Variants in KHDRBS2 observed in about 807,000 individuals in gnomAD.
KHDRBS2 encodes KH domain-containing, RNA-binding, signal transduction-associated protein 2.
In KHDRBS2, 26 loss-of-function variants were observed where a neutral mutation model predicts 44.3. That is an observed-to-expected ratio of 0.59 (90% confidence interval 0.43 to 0.81). The LOEUF (loss-of-function observed/expected upper bound fraction) is 0.81, where lower values mean the gene tolerates loss of function less well. KHDRBS2 is among the 40% of genes least tolerant of loss of function. The pLI is 0.00. For synonymous variants in KHDRBS2, 194 were observed against 151.1 expected (o/e 1.28, Z -2.08); for missense variants, 476 against 433.1 (o/e 1.10, Z -0.88).
At chr6:62,023,371 A>C (rs1456404563) in intron 3 of KHDRBS2, among the ~76,000 whole-genome samples, 3 of 151,620 alleles carry the variant, frequency 2.0e-5, no homozygotes, top group African/African-American at 7.2e-5. Context: ...GGACTTCATT[A>C]ATGTTGGTTT....
intron 2 of KHDRBS2, among the ~76,000 whole-genome samples, chr6:62,170,352 C>G (rs1819738988): frequency 6.6e-6 from 1 of 151,996 alleles, no homozygotes; most frequent in South Asian, 2.1e-4. Context: ...CCCCATGGAC[C>G]AAAACATCCA....
At chr6:62,107,795 C>A (rs1039554792) in intron 2 of KHDRBS2, among the ~76,000 whole-genome samples, 1 of 152,114 alleles carries the variant, frequency 6.6e-6, no homozygotes, top group African/African-American at 2.4e-5. Flanking sequence ...TGCCGCATAT[C>A]TACAACTATC....
chr6:62,063,077 A>G lies in KHDRBS2; in HGVS notation c.220-15083T>C, dbSNP rs904669330. Among the ~76,000 whole-genome samples the G allele has an allele frequency of 1.7e-3, 239 of 141,334 alleles. 9 individuals carry two copies. In the South Asian group the frequency reaches 0.051, roughly 30 times the overall value. 92.7% of individuals were successfully genotyped at this position (141,334 alleles called of 152,430 possible). On this transcript the variant is annotated intron_variant, in intron 2 of 8. Coordinates refer to ENST00000281156, the MANE Select transcript of KHDRBS2 (RefSeq NM_152688.4). ...ACATACACTCTCCCAAGACTAAACC[A>G]GGAAGAAGTTGAATCTCTGAATAGA...
At chr6:61,931,078 A>C (rs1809952830) in intron 4 of KHDRBS2, among the ~76,000 whole-genome samples, 1 of 152,042 alleles carries the variant, frequency 6.6e-6, no homozygotes, top group Non-Finnish European at 1.5e-5. Flanking sequence ...TATTACACAT[A>C]TACAATAAAA....
At chr6:62,037,692 T>C (rs1461216235) in intron 3 of KHDRBS2, among the ~76,000 whole-genome samples, 1 of 151,980 alleles carries the variant, frequency 6.6e-6, no homozygotes, top group East Asian at 1.9e-4. Flanking sequence ...TTTGCCTTTT[T>C]TTAAAACCCT....
At chr6:62,178,586 C>T (rs1330529771) in intron 1 of KHDRBS2, among the ~76,000 whole-genome samples, 3 of 151,362 alleles carry the variant, frequency 2.0e-5, no homozygotes, top group East Asian at 1.9e-4. Flanking sequence ...AGTTGAGAAA[C>T]GAGGCTGACA....
At chr6:62,107,990 C>T (rs1803905327) in intron 2 of KHDRBS2, among the ~76,000 whole-genome samples, 2 of 151,984 alleles carry the variant, frequency 1.3e-5, no homozygotes, top group African/African-American at 4.8e-5. Flanking sequence ...CCATAAAAAC[C>T]CTAGAAGAAA....
chr6:62,039,275 C>CACACACACAA, intron 3 of KHDRBS2, among the ~76,000 whole-genome samples: 1 of 151,312 alleles, frequency 6.6e-6, no homozygotes, highest in Middle Eastern at 3.4e-3. Flanking sequence ...CACACACACA[C>CACACACACAA]ACACACACAA....
At chr6:61,643,198 A>C in the KHDRBS2 span, among the ~76,000 whole-genome samples, 7 of 152,216 alleles carry the variant, frequency 4.6e-5, no homozygotes, top group Non-Finnish European at 7.3e-5. Flanking sequence ...AGTTTCAAAA[A>C]GATTTGATAT....
At chr6:62,183,249 A>G (rs1822724024) in intron 1 of KHDRBS2, among the ~76,000 whole-genome samples, 1 of 151,774 alleles carries the variant, frequency 6.6e-6, no homozygotes, top group Admixed American at 6.6e-5. Flanking sequence ...CACATGCACA[A>G]ACGCAGAAAT....
intron 6 of KHDRBS2, among the ~76,000 whole-genome samples, chr6:61,754,156 T>C (rs950688294): frequency 1.3e-5 from 2 of 152,150 alleles, no homozygotes; most frequent in Non-Finnish European, 2.9e-5. Flanking sequence ...ACAGCAGCAT[T>C]AGGTAACTAA....
At chr6:61,817,905 T>C (rs1445612843) in intron 6 of KHDRBS2, among the ~76,000 whole-genome samples, 1 of 152,052 alleles carries the variant, frequency 6.6e-6, no homozygotes, top group Admixed American at 6.6e-5. Flanking sequence ...GGCCAGACTT[T>C]CTGTAATTAG....
the KHDRBS2 span, among the ~76,000 whole-genome samples, chr6:61,669,206 A>G: frequency 6.6e-6 from 1 of 151,068 alleles, no homozygotes; most frequent in Non-Finnish European, 1.5e-5. Context: ...AAAATAAATG[A>G]AATAATTCTC....
intron 3 of KHDRBS2, among the ~76,000 whole-genome samples, chr6:62,008,172 C>T (rs1779613909): frequency 6.6e-6 from 1 of 152,034 alleles, no homozygotes; most frequent in African/African-American, 2.4e-5. Context: ...CATTCAGGGT[C>T]AGTTAAGCAA....
At chr6:62,277,136 A>C (rs926103878) in intron 1 of KHDRBS2, among the ~76,000 whole-genome samples, 1 of 152,100 alleles carries the variant, frequency 6.6e-6, no homozygotes, top group African/African-American at 2.4e-5. Flanking sequence ...CTGAATTCCT[A>C]TATCAGTGGT....
intron 1 of KHDRBS2, among the ~76,000 whole-genome samples, chr6:62,224,975 G>A (rs1831516301): frequency 1.3e-5 from 2 of 152,138 alleles, no homozygotes; most frequent in Non-Finnish European, 2.9e-5. Flanking sequence ...GACATTCCCT[G>A]TGATACTGGT....
At chr6:61,667,702 G>T in the KHDRBS2 span, among the ~76,000 whole-genome samples, 5 of 151,240 alleles carry the variant, frequency 3.3e-5, no homozygotes, top group African/African-American at 1.2e-4. Context: ...CAGACTATTT[G>T]GCATTCACTG....
intron 2 of KHDRBS2, among the ~76,000 whole-genome samples, chr6:62,152,583 T>A (rs1815452952): frequency 6.6e-6 from 1 of 152,220 alleles, no homozygotes; most frequent in East Asian, 1.9e-4. Flanking sequence ...ACTCATCTAA[T>A]CTATCAGATT....
At chr6:62,210,900 T>C (rs1828930137) in intron 1 of KHDRBS2, among the ~76,000 whole-genome samples, 2 of 152,136 alleles carry the variant, frequency 1.3e-5, no homozygotes, top group African/African-American at 4.8e-5. Flanking sequence ...GAAGCTTTCT[T>C]AATAATAGTT....
Sources: allele counts gnomAD v4.1 joint callset (sites outside exome capture counted in the v4.1 genomes callset), GRCh38; gene constraint gnomAD v4.1.1; transcripts MANE v1.5; gene names NCBI Gene and HGNC (gene_info 2026-07-23, HGNC 2026-07-21).